Variants in CEP72 observed in about 807,000 individuals in gnomAD.
CEP72 encodes centrosomal protein of 72 kDa.
Under a neutral mutation model 65.7 loss-of-function variants are expected in CEP72, and 78 were observed. The observed-to-expected ratio is 1.19, with a 90% confidence interval of 0.99 to 1.43. CEP72 has a LOEUF of 1.43. Among genes scored for constraint, CEP72 ranks in the 40% most tolerant of loss-of-function variants. The pLI, the probability that CEP72 is intolerant of heterozygous loss-of-function variation, is 0.00. For missense variants in CEP72, 914 were observed against 832.9 expected, an observed-to-expected ratio of 1.10 and a Z score of -1.20; for synonymous variants, 358 against 351.7, an observed-to-expected ratio of 1.02 and a Z score of -0.20.
In CEP72 at chr5:628,335, A is replaced by G. The variant is rs150097257; in HGVS notation, c.512+3756A>G. On this transcript the variant is annotated intron_variant, in intron 4 of 11. Coordinates refer to ENST00000264935, the MANE Select transcript of CEP72 (RefSeq NM_018140.4). ...GGAGGTGGGGGACGCCCAAGGAACT[A>G]TGCTCAGTGTCAGGCTTCAGGGAGG... 5.9e-3 allele frequency among the ~76,000 whole-genome samples: 901 copies of G among 152,304 alleles called. 31 individuals are homozygous for G. Among genetic ancestry groups the G allele is most frequent in the Admixed American group, 0.051 (777 of 15,308 alleles).
At chr5:671,708 C>T (rs1020645074), downstream of CEP72, among the ~76,000 whole-genome samples, 11 of 152,228 alleles carry the variant, frequency 7.2e-5, no homozygotes, top group Admixed American at 2.0e-4. Flanking sequence ...AGGGTCCCCC[C>T]GCAGGGGCTC....
rs758987100 is a variant in CEP72 at position 641,210 on chromosome 5, G to A, written c.1539+606G>A. The A allele has an allele frequency of 1.2e-5, 12 of 985,328 alleles. No homozygotes were observed. The East Asian group carries it at 3.4e-4, about 28-fold the overall frequency. The allele number at this position is 985,328 out of a possible 1,614,324, so 61.0% of individuals were successfully genotyped here. A position where few individuals can be genotyped will look rare whatever the true frequency, so the allele number is the denominator to read the frequency against. The stretch of plus-strand genomic sequence containing the variant: ...GCCACCGTCTCATCTGAGGCCTCAC[G>A]GGACAGGATCCTCCCAGGCTCCCTC... On this transcript the variant is annotated intron_variant, in intron 9 of 11. Coordinates refer to ENST00000264935, the MANE Select transcript of CEP72 (RefSeq NM_018140.4).
chr5:667,977 CAGAGAGGGGGCCGTG>C (rs1740000057), downstream of CEP72, among the ~76,000 whole-genome samples: 2 of 48,514 alleles, frequency 4.1e-5, no homozygotes, highest in Non-Finnish European at 6.4e-5. Context: ...GACAAGCACA[CAGAGAGGGGGCCGTG>C]TGGGCGCCGT....
chr5:624,138 C>T lies in CEP72; in HGVS notation c.404-333C>T, dbSNP rs1736579726. Reference sequence around the variant, plus strand: ...GCCGGGCAGGCTCCCTCCGTGGAGGCTTCTCTGGGTTACCTGAGTGTGACT... The same window carrying T: ...GCCGGGCAGGCTCCCTCCGTGGAGGTTTCTCTGGGTTACCTGAGTGTGACT... On this transcript the variant is annotated intron_variant, in intron 3 of 11. Transcript: ENST00000264935. This position sits in a 1 kb window ranked among gnomAD's most constrained non-coding sequence, Gnocchi z 4.7. Among the ~76,000 whole-genome samples the T allele has an allele frequency of 6.6e-6, 1 of 152,228 alleles. No homozygotes were observed. Among genetic ancestry groups the T allele is most frequent in the African/African-American group, 2.4e-5 (1 of 41,458 alleles).
chr5:668,384 C>G (rs11749837), downstream of CEP72, among the ~76,000 whole-genome samples: 40 of 86,910 alleles, frequency 4.6e-4, no homozygotes, highest in African/African-American at 1.3e-3. Flanking sequence ...CCGCGTGGGC[C>G]TCGTCAGGGA....
At chr5:612,846 C>T (rs1403617984) in intron 1 of CEP72, among the ~76,000 whole-genome samples, 2 of 152,162 alleles carry the variant, frequency 1.3e-5, no homozygotes, top group Admixed American at 6.5e-5. Context: ...TGTTGGTGGC[C>T]GGTTTCCTTC....
chr5:647,186 T>C (rs1294909483), intron 10 of CEP72, among the ~76,000 whole-genome samples: 2 of 152,232 alleles, frequency 1.3e-5, no homozygotes, highest in African/African-American at 4.8e-5. Context: ...CCTCTGGCTT[T>C]CTCACTGCCT....
At chr5:675,743 C>T in the CEP72 span, 8 of 153,268 alleles carry the variant, frequency 5.2e-5, no homozygotes, top group African/African-American at 1.7e-4. Context: ...CAAGGGGCCC[C>T]AGGGATGAGT....
In CEP72 at chr5:643,933, C is replaced by T. The variant is rs149072517; in HGVS notation, c.1540-366C>T. Among the ~76,000 whole-genome samples the T allele has an allele frequency of 2.8e-3, 423 of 152,340 alleles. 3 individuals are homozygous for T. Among genetic ancestry groups the T allele is most frequent in the Non-Finnish European group, 4.4e-3 (301 of 68,020 alleles). ...ACCAAGGCCTGGGGCTCGCAGTGTC[C>T]GTGAGGGCGTCCTGGAAGAGACAGG... is the stretch of plus-strand genomic sequence containing the variant. On this transcript the variant is annotated intron_variant, in intron 9 of 11. Coordinates refer to ENST00000264935, the MANE Select transcript of CEP72 (RefSeq NM_018140.4).
chr5:667,721 A>C (rs1739979567), downstream of CEP72, among the ~76,000 whole-genome samples: 1 of 151,394 alleles, frequency 6.6e-6, no homozygotes, highest in Admixed American at 6.6e-5. Flanking sequence ...ATCCATGTGA[A>C]AAGACGGGCA....
intron 4 of CEP72, 97 bp from the exon 5 acceptor site, chr5:633,672 C>CCTGG: frequency 7.4e-6 from 9 of 1,217,210 alleles, no homozygotes; most frequent in Non-Finnish European, 7.1e-6. Flanking sequence ...CGCTGCTTCT[C>CCTGG]TCAGAGACCG....
intron 2 of CEP72, 52 bp from the exon 3 acceptor site, chr5:620,017 G>C: frequency 1.4e-6 from 2 of 1,477,132 alleles, no homozygotes; most frequent in Non-Finnish European, 1.9e-6. Context: ...TTATTTCACT[G>C]TGTATTTCTT....
At chr5:626,091 C>T (rs1736743368) in intron 4 of CEP72, among the ~76,000 whole-genome samples, 1 of 152,230 alleles carries the variant, frequency 6.6e-6, no homozygotes, top group Non-Finnish European at 1.5e-5. Flanking sequence ...ACCTGGAATC[C>T]TGCACCCTGG....
At chr5:614,882 TG>T (rs1735894291) in intron 1 of CEP72, among the ~76,000 whole-genome samples, 1 of 152,214 alleles carries the variant, frequency 6.6e-6, no homozygotes, top group Non-Finnish European at 1.5e-5. Flanking sequence ...TGGAGTGTTA[TG>T]TAAATACATA....
chr5:632,227 G>C lies in CEP72; in HGVS notation c.513-1542G>C, dbSNP rs868608080. Reference sequence around the variant, plus strand: ...GGGGTTCTGTCCAGTGTCGGGATTTGACCCAGTCCTGGTGGGGTGCTGTCC... The same window carrying C: ...GGGGTTCTGTCCAGTGTCGGGATTTCACCCAGTCCTGGTGGGGTGCTGTCC... On this transcript the variant is annotated intron_variant, in intron 4 of 11. Coordinates refer to ENST00000264935, the MANE Select transcript of CEP72 (RefSeq NM_018140.4). Among the ~76,000 whole-genome samples the C allele has an allele frequency of 5.1e-3, 298 of 58,644 alleles. 1 individual carries two copies. Among genetic ancestry groups the C allele is most frequent in the African/African-American group, 0.02 (282 of 14,188 alleles). 38.5% of individuals were successfully genotyped at this position (58,644 alleles called of 152,430 possible). A position where few individuals can be genotyped will look rare whatever the true frequency, so the allele number is the denominator to read the frequency against.
At chr5:658,784 T>G (rs2126844719), downstream of CEP72, among the ~76,000 whole-genome samples, 1 of 148,652 alleles carries the variant, frequency 6.7e-6, no homozygotes, top group Non-Finnish European at 1.5e-5. Context: ...TTCTCCTGCC[T>G]CAGCCTCCCG....
At chr5:614,307 A>G (rs756936214) in intron 1 of CEP72, among the ~76,000 whole-genome samples, 2 of 152,050 alleles carry the variant, frequency 1.3e-5, no homozygotes, top group African/African-American at 4.8e-5. Context: ...CCTATTTTCT[A>G]TTATAAACAG....
In CEP72 at chr5:662,152, A is replaced by G. The variant is rs11545597; in HGVS notation, n.131-1264A>G. Reference sequence around the variant, plus strand: ...AATGAGCTCACCTCCAGGGGCCAAGATGGGAGCCATGAGCCCCGCCGCTCC... The same window carrying G: ...AATGAGCTCACCTCCAGGGGCCAAGGTGGGAGCCATGAGCCCCGCCGCTCC... On this transcript the variant is annotated intron_variant and non_coding_transcript_variant, in intron 1 of 4. Transcript: ENST00000514507. 423 of 152,532 alleles carry G rather than the reference A, an allele frequency of 2.8e-3. 6 individuals carry two copies. In the South Asian group the frequency reaches 0.041, roughly 15 times the overall value. 9.4% of individuals were successfully genotyped at this position (152,532 alleles called of 1,614,324 possible).
In CEP72 at chr5:637,768, G is replaced by T. The variant is rs770538271; in HGVS notation, c.1156G>T (p.Ala386Ser). 6.2e-7 allele frequency: 1 copy of T among 1,607,986 alleles called. No individual in the cohort carries two copies. The change falls in exon 7 of 12, where the codon GCC becomes TCC. Residue 386 changes from alanine (A) to serine (S), a missense_variant. Ala to Ser is a moderately conservative substitution (Grantham distance 99, BLOSUM62 1). Coordinates refer to ENST00000264935, the MANE Select transcript of CEP72 (RefSeq NM_018140.4). ...CGGGAGGACCTTGTCTCAGCCTGAGGCCTCGGAGACTGAGGAGCAGAGGTC... is the reference window on the plus strand; with the variant it reads ...CGGGAGGACCTTGTCTCAGCCTGAGTCCTCGGAGACTGAGGAGCAGAGGTC... The part of the protein sequence containing the change: ...RNGRTLSQPE[A>S]SETEEQRSRG...
Sources: allele counts gnomAD v4.1 joint callset (sites outside exome capture counted in the v4.1 genomes callset), GRCh38; gene constraint gnomAD v4.1.1; non-coding constraint Gnocchi (gnomAD v3.1); transcripts MANE v1.5; gene names NCBI Gene and HGNC (gene_info 2026-07-23, HGNC 2026-07-21).